RAB38: variants seen among roughly 807,000 people sequenced by gnomAD.
RAB38 encodes the protein ras-related protein Rab-38.
RAB38 carries 15 observed loss-of-function variants against 18.4 expected under a neutral mutation model. The ratio of observed to expected loss-of-function variants is 0.82; its 90% CI spans 0.55 to 1.26. RAB38 has a LOEUF of 1.26. RAB38 is among the 50% of genes most tolerant of loss of function. The pLI, the probability that RAB38 is intolerant of heterozygous loss-of-function variation, is 0.00. For synonymous variants in RAB38, 101 were observed against 104.4 expected, an observed-to-expected ratio of 0.97 and a Z score of 0.20; for missense variants, 294 against 267.4, an observed-to-expected ratio of 1.10 and a Z score of -0.69.
chr11:88,139,031 G>A (rs969613661), intron 2 of RAB38, among the ~76,000 whole-genome samples: 4 of 151,914 alleles, frequency 2.6e-5, no homozygotes, highest in Non-Finnish European at 5.9e-5. Flanking sequence ...TGATCCACCC[G>A]CCTCCGCCTC....
the RAB38 span, among the ~76,000 whole-genome samples, chr11:88,040,767 C>T: frequency 6.6e-6 from 1 of 152,042 alleles, no homozygotes; most frequent in South Asian, 2.1e-4. Context: ...CAAATACAGT[C>T]ACATTCTTAG....
chr11:87,954,833 C>CACT, the RAB38 span, among the ~76,000 whole-genome samples: 1 of 151,308 alleles, frequency 6.6e-6, no homozygotes, highest in African/African-American at 2.5e-5. Context: ...AAAGACTCAC[C>CACT]CTTTCATCTG....
chr11:88,039,407 G>C, the RAB38 span, among the ~76,000 whole-genome samples: 20 of 151,972 alleles, frequency 1.3e-4, no homozygotes, highest in Non-Finnish European at 2.9e-4. Flanking sequence ...CTATTTATGA[G>C]GCAGAGATTT....
At chr11:87,836,668 G>C in the RAB38 span, among the ~76,000 whole-genome samples, 1 of 152,036 alleles carries the variant, frequency 6.6e-6, no homozygotes, top group African/African-American at 2.4e-5. Context: ...TCCTTCACTG[G>C]TTTTCCATGG....
At chr11:88,110,870 G>C (rs572800128), downstream of RAB38, among the ~76,000 whole-genome samples, 1 of 151,962 alleles carries the variant, frequency 6.6e-6, no homozygotes, top group African/African-American at 2.4e-5. Context: ...CAGGTGTCTG[G>C]TGGCTCGCAC....
intron 2 of RAB38, among the ~76,000 whole-genome samples, chr11:88,144,446 G>C (rs969744297): frequency 2.0e-5 from 3 of 152,124 alleles, no homozygotes; most frequent in African/African-American, 7.2e-5. Context: ...GAAATTCCCC[G>C]AAGATAGCAA....
the RAB38 span, among the ~76,000 whole-genome samples, chr11:87,829,512 G>T: frequency 1.9e-4 from 29 of 152,104 alleles, no homozygotes; most frequent in Non-Finnish European, 8.8e-5. Flanking sequence ...GAGAGAGAGT[G>T]ACCAAGAGCA....
At chr11:88,159,299 G>A (rs985139783) in intron 1 of RAB38, among the ~76,000 whole-genome samples, 1 of 151,292 alleles carries the variant, frequency 6.6e-6, no homozygotes, top group East Asian at 1.9e-4. Context: ...TCTCTACAAG[G>A]AGAACTATGA....
the RAB38 span, among the ~76,000 whole-genome samples, chr11:88,015,248 G>C: frequency 1.3e-5 from 2 of 152,056 alleles, no homozygotes; most frequent in Admixed American, 1.3e-4. Flanking sequence ...TCTCTTCTAT[G>C]GTTCTCAAAC....
the RAB38 span, among the ~76,000 whole-genome samples, chr11:87,811,773 T>A: frequency 6.6e-6 from 1 of 152,120 alleles, no homozygotes; most frequent in African/African-American, 2.4e-5. Flanking sequence ...TCTAAAAACT[T>A]CCCTTAAATA....
At chr11:88,099,990 G>A in the RAB38 span, 3 of 151,784 alleles carry the variant, frequency 2.0e-5, no homozygotes, top group Admixed American at 2.0e-4. Context: ...ATCAGAAAGT[G>A]TTTAGGCTGG....
the RAB38 span, among the ~76,000 whole-genome samples, chr11:87,849,029 A>C: frequency 7.2e-5 from 11 of 152,202 alleles, no homozygotes; most frequent in African/African-American, 2.2e-4. Context: ...CTTAGTAATA[A>C]GTTCCAGATT....
chr11:87,958,564 T>C, the RAB38 span, among the ~76,000 whole-genome samples: 326 of 152,284 alleles, frequency 2.1e-3, no homozygotes, highest in African/African-American at 7.5e-3. Flanking sequence ...CTGGTCTCCA[T>C]TTCCAGCTTC....
At chr11:88,085,212 C>A in the RAB38 span, among the ~76,000 whole-genome samples, 2 of 151,878 alleles carry the variant, frequency 1.3e-5, no homozygotes, top group Non-Finnish European at 1.5e-5. Context: ...AGGGTGAGAA[C>A]CAACCTCATT....
At chr11:87,945,626 T>C in the RAB38 span, among the ~76,000 whole-genome samples, 2 of 152,270 alleles carry the variant, frequency 1.3e-5, no homozygotes, top group East Asian at 3.9e-4. Flanking sequence ...AATTAATTCA[T>C]TCATAGTATC....
chr11:88,015,160 G>C, the RAB38 span, among the ~76,000 whole-genome samples: 1 of 151,990 alleles, frequency 6.6e-6, no homozygotes, highest in African/African-American at 2.4e-5. Flanking sequence ...TGGCTGGCTA[G>C]ATCATGGGCT....
the RAB38 span, among the ~76,000 whole-genome samples, chr11:87,876,497 G>T: frequency 6.6e-6 from 1 of 151,468 alleles, no homozygotes; most frequent in East Asian, 2.0e-4. Flanking sequence ...ACACAGCTTT[G>T]AAAGAGTAAC....
the RAB38 span, among the ~76,000 whole-genome samples, chr11:88,023,243 A>G: frequency 6.6e-6 from 1 of 152,132 alleles, no homozygotes; most frequent in African/African-American, 2.4e-5. Flanking sequence ...AAAATCAGTA[A>G]TATTTCTATA....
chr11:88,047,598 G>A, the RAB38 span, among the ~76,000 whole-genome samples: 1 of 152,088 alleles, frequency 6.6e-6, no homozygotes, highest in Non-Finnish European at 1.5e-5. Context: ...CCATGCAAGA[G>A]GTTTCCTCAC....
Sources: gnomAD v4.1 joint callset for allele counts (sites outside exome capture counted in the v4.1 genomes callset) on GRCh38, gnomAD v4.1.1 for gene constraint, MANE v1.5 for transcripts, NCBI Gene and HGNC (gene_info 2026-07-23, HGNC 2026-07-21) for gene names.